Variants in ADGRL3 observed in about 807,000 individuals in gnomAD.
ADGRL3 encodes calcium-independent alpha-latrotoxin receptor 3.
ADGRL3 carries 62 observed loss-of-function variants against 153.5 expected under a neutral mutation model. That is an observed-to-expected ratio of 0.40 (90% CI 0.33 to 0.50). The LOEUF (loss-of-function observed/expected upper bound fraction) is 0.50, where lower values mean the gene tolerates loss of function less well. Ranked by LOEUF, ADGRL3 falls within the 20% of genes least tolerant of loss-of-function variation. The pLI, the probability that ADGRL3 is intolerant of heterozygous loss-of-function variation, is 0.47. For synonymous variants in ADGRL3, 710 were observed against 672.5 expected (o/e 1.06, Z -0.86); for missense variants, 1,641 against 1,859.4 (o/e 0.88, Z 2.16).
At chr4:61,430,629 A>C (rs1267498184) in intron 2 of ADGRL3, among the ~76,000 whole-genome samples, 1 of 152,156 alleles carries the variant, frequency 6.6e-6, no homozygotes, top group Non-Finnish European at 1.5e-5. Context: ...TAAAACCCAC[A>C]ATCAATAAAA....
intron 1 of ADGRL3, among the ~76,000 whole-genome samples, chr4:61,366,483 G>C (rs958240928): frequency 1.3e-5 from 2 of 152,072 alleles, no homozygotes; most frequent in Non-Finnish European, 2.9e-5. Flanking sequence ...GTAATAAATA[G>C]CATCTAAGCA....
At chr4:61,448,274 TA>T (rs78971125) in intron 2 of ADGRL3, among the ~76,000 whole-genome samples, 28,523 of 151,922 alleles carry the variant, frequency 0.19, 2,767 homozygotes, top group Middle Eastern at 0.29. Context: ...ATACACTTGC[TA>T]AAAAAAATTT....
chr4:61,727,244 A>G (rs1338394941), intron 6 of ADGRL3, among the ~76,000 whole-genome samples: 1 of 152,170 alleles, frequency 6.6e-6, no homozygotes, highest in Non-Finnish European at 1.5e-5. Flanking sequence ...ACAGAATAAA[A>G]TTCTCCTTAG....
chr4:61,293,969 A>G (rs1178418760), intron 1 of ADGRL3, among the ~76,000 whole-genome samples: 3 of 139,302 alleles, frequency 2.2e-5, no homozygotes, highest in Non-Finnish European at 3.2e-5. Flanking sequence ...ACTGAAACAT[A>G]CTGTAATTTA....
chr4:62,071,651 A>C lies in ADGRL3; in HGVS notation c.*743A>C, dbSNP rs201348371. The C allele has an allele frequency of 6.0e-4, 229 of 380,846 alleles. 5 individuals carry two copies. Among genetic ancestry groups the C allele is most frequent in the Middle Eastern group, 1.1e-3 (3 of 2,738 alleles). 23.6% of individuals were successfully genotyped at this position (380,846 alleles called of 1,614,324 possible). ...TTAATGTAGTAGAAAAAAAAAAAAG[A>C]AATTTTCTTTTTCTTTTGTGCTGGT... On this transcript the variant is annotated 3_prime_UTR_variant, in exon 27 of 27. Coordinates refer to ENST00000683033, the MANE Select transcript of ADGRL3 (RefSeq NM_001387552.1).
chr4:61,569,909 T>C (rs79979995), intron 4 of ADGRL3, among the ~76,000 whole-genome samples: 7,388 of 152,246 alleles, frequency 0.049, 555 homozygotes, highest in African/African-American at 0.16. Flanking sequence ...ATTTTTATCA[T>C]CTACTTCATT....
At chr4:61,604,185 A>G (rs2099023041) in intron 5 of ADGRL3, among the ~76,000 whole-genome samples, 1 of 152,098 alleles carries the variant, frequency 6.6e-6, no homozygotes, top group South Asian at 2.1e-4. Flanking sequence ...TTTGCTTATA[A>G]ACACATTCCT....
chr4:61,535,691 T>C (rs2098651509), intron 4 of ADGRL3, among the ~76,000 whole-genome samples: 1 of 152,094 alleles, frequency 6.6e-6, no homozygotes. Flanking sequence ...TTTCCAAGAA[T>C]TTACCCACTT....
chr4:61,209,560 T>C (rs184097932), intron 1 of ADGRL3, among the ~76,000 whole-genome samples: 2 of 152,268 alleles, frequency 1.3e-5, no homozygotes, highest in Admixed American at 6.5e-5. Context: ...TTTTCTTAAG[T>C]AGTTGAGAAA....
At chr4:61,401,824 A>T (rs2096933208) in intron 2 of ADGRL3, among the ~76,000 whole-genome samples, 1 of 152,084 alleles carries the variant, frequency 6.6e-6, no homozygotes, top group South Asian at 2.1e-4. Flanking sequence ...TATTTCTCTT[A>T]GGCATATTTG....
intron 1 of ADGRL3, among the ~76,000 whole-genome samples, chr4:61,296,628 A>G (rs2094422308): frequency 6.6e-6 from 1 of 152,190 alleles, no homozygotes; most frequent in Non-Finnish European, 1.5e-5. Flanking sequence ...AATCAAGATT[A>G]CTTCATGTCA....
intron 17 of ADGRL3, among the ~76,000 whole-genome samples, chr4:61,976,547 C>T (rs1482810431): frequency 6.6e-6 from 1 of 151,988 alleles, no homozygotes; most frequent in Non-Finnish European, 1.5e-5. Flanking sequence ...GAAAAGGGGT[C>T]TGTAATTTTA....
In ADGRL3 at chr4:61,755,937, C is replaced by T. The variant is rs553269691; in HGVS notation, c.1399+22383C>T. On this transcript the variant is annotated intron_variant, in intron 8 of 26. Coordinates refer to ENST00000683033, the MANE Select transcript of ADGRL3 (RefSeq NM_001387552.1). The stretch of plus-strand genomic sequence containing the variant: ...CAGAGATCAGATGGTTGTAGATATG[C>T]GGCATTATATCTGAGGGCTCTGTTC... Among the ~76,000 whole-genome samples the T allele has an allele frequency of 5.7e-3, 871 of 152,122 alleles. 11 individuals are homozygous for T. The highest frequency in any genetic ancestry group is 0.019 in the African/African-American group (796 of 41,488).
At chr4:61,234,977 T>C (rs1229549406) in intron 1 of ADGRL3, among the ~76,000 whole-genome samples, 1 of 152,184 alleles carries the variant, frequency 6.6e-6, no homozygotes, top group Non-Finnish European at 1.5e-5. Context: ...TTGCATGAAG[T>C]TAGCCAGAAG....
At chr4:61,769,826 A>G (rs1336493738) in intron 8 of ADGRL3, among the ~76,000 whole-genome samples, 1 of 151,980 alleles carries the variant, frequency 6.6e-6, no homozygotes, top group Non-Finnish European at 1.5e-5. Flanking sequence ...GAGCCAGGAA[A>G]AGGACTTTCA....
intron 22 of ADGRL3, among the ~76,000 whole-genome samples, chr4:62,030,752 A>T (rs1169528672): frequency 6.6e-6 from 1 of 151,456 alleles, no homozygotes; most frequent in African/African-American, 2.4e-5. Flanking sequence ...AAAGCTTCCA[A>T]ATGACTGATT....
At chr4:61,716,305 T>C (rs1007772660) in intron 6 of ADGRL3, among the ~76,000 whole-genome samples, 3 of 152,262 alleles carry the variant, frequency 2.0e-5, no homozygotes, top group African/African-American at 7.2e-5. Context: ...CCTGAGTACA[T>C]ATCAGAAATA....
intron 5 of ADGRL3, among the ~76,000 whole-genome samples, chr4:61,613,422 A>G (rs2091622114): frequency 6.6e-6 from 1 of 152,150 alleles, no homozygotes; most frequent in South Asian, 2.1e-4. Flanking sequence ...TTTTCTAAAA[A>G]TTGTTGTGTG....
chr4:61,524,214 A>G (rs1371489984), intron 4 of ADGRL3, among the ~76,000 whole-genome samples: 1 of 152,100 alleles, frequency 6.6e-6, no homozygotes, highest in Non-Finnish European at 1.5e-5. Context: ...CGTTATATTT[A>G]TAGAAGCGTT....
Sources: gnomAD v4.1 joint callset for allele counts (sites outside exome capture counted in the v4.1 genomes callset) on GRCh38, gnomAD v4.1.1 for gene constraint, MANE v1.5 for transcripts, NCBI Gene and HGNC (gene_info 2026-07-23, HGNC 2026-07-21) for gene names.